The following DIAPH2 variants were observed in gnomAD, a reference collection of about 807,000 sequenced individuals.
The protein encoded by DIAPH2 is diaphanous related formin 2, also known as protein diaphanous homolog 2.
DIAPH2 carries 35 observed loss-of-function variants against 92.7 expected under a neutral mutation model. The ratio of observed to expected loss-of-function variants is 0.38; its 90% CI spans 0.29 to 0.50. DIAPH2 has a LOEUF of 0.50. DIAPH2 is among the 20% of genes least tolerant of loss of function. DIAPH2 has a pLI of 0.94. For missense variants in DIAPH2, 701 were observed against 819.5 expected, an observed-to-expected ratio of 0.86 and a Z score of 1.77; for synonymous variants, 301 against 280.4, an observed-to-expected ratio of 1.07 and a Z score of -0.73.
chrX:97,221,706 A>G (rs2067926777), intron 22 of DIAPH2, among the ~76,000 whole-genome samples: 1 of 111,903 alleles, frequency 8.9e-6, no homozygotes, highest in Non-Finnish European at 1.9e-5. Flanking sequence ...GTAGCTAAAC[A>G]ATTTTTTGTT....
chrX:96,859,274 C>G (rs1398981209), intron 4 of DIAPH2, among the ~76,000 whole-genome samples: 1 of 109,689 alleles, frequency 9.1e-6, no homozygotes, highest in African/African-American at 3.3e-5. Flanking sequence ...CTATAGAAAG[C>G]GACTAGAATA....
chrX:97,571,309 AT>A (rs1358504506), intron 26 of DIAPH2, among the ~76,000 whole-genome samples: 1 of 112,052 alleles, frequency 8.9e-6, no homozygotes, highest in African/African-American at 3.2e-5. Context: ...TGAATAAAAA[AT>A]GTTGATATTT....
chrX:97,547,680 A>G (rs1464316109), intron 26 of DIAPH2, among the ~76,000 whole-genome samples: 4 of 111,918 alleles, frequency 3.6e-5, no homozygotes, highest in Non-Finnish European at 7.5e-5. Context: ...ATGGCATTCC[A>G]ACCTTTTCTC....
At chrX:97,520,465 A>C (rs1222947686) in intron 26 of DIAPH2, among the ~76,000 whole-genome samples, 1 of 112,144 alleles carries the variant, frequency 8.9e-6, no homozygotes, top group Admixed American at 9.5e-5. Context: ...CTCAAAGATG[A>C]TTTATTTCTA....
rs61272505 is a variant in DIAPH2 at position 96,717,816 on chromosome X, GTATATATATATATA to G, written c.133-17912_133-17899del. On this transcript the variant is annotated intron_variant, in intron 1 of 26. Transcript: ENST00000324765. ...GTTTTTTAATTTTTGTGGGTATATA[GTATATATATATATA>G]TATATATATATATATATATATATAT... Among the ~76,000 whole-genome samples, 303 of 36,373 alleles carry G rather than the reference GTATATATATATATA, an allele frequency of 8.3e-3. 7 individuals are homozygous for G. The highest frequency in any genetic ancestry group is 0.064 in the East Asian group (76 of 1,187). 31.6% of individuals were successfully genotyped at this position (36,373 alleles called of 115,157 possible). A position where few individuals can be genotyped will look rare whatever the true frequency, so the allele number is the denominator to read the frequency against.
intron 22 of DIAPH2, among the ~76,000 whole-genome samples, chrX:97,145,621 T>C (rs1602372610): frequency 9.0e-6 from 1 of 110,630 alleles, no homozygotes; most frequent in African/African-American, 3.3e-5. Context: ...ATTTTGTGCA[T>C]TCTTCCTGCC....
intron 4 of DIAPH2, among the ~76,000 whole-genome samples, chrX:96,791,565 G>A (rs759879287): frequency 4.9e-4 from 52 of 105,597 alleles, no homozygotes; most frequent in Non-Finnish European, 8.6e-4. Flanking sequence ...TTAAAAAAAA[G>A]GATTAAAGAT....
intron 17 of DIAPH2, among the ~76,000 whole-genome samples, chrX:96,970,097 T>A (rs780048910): frequency 1.8e-5 from 2 of 112,078 alleles, no homozygotes; most frequent in African/African-American, 3.2e-5. Context: ...AACTTTCTGA[T>A]GTTGTGCTTG....
At chrX:96,953,358 A>T in intron 15 of DIAPH2, among the ~76,000 whole-genome samples, 1 of 111,258 alleles carries the variant, frequency 9.0e-6, no homozygotes, top group Non-Finnish European at 1.9e-5. Flanking sequence ...TATAACTTCC[A>T]TTTGTCAGGT....
Position 97,601,453 on chromosome X carries a change from A to G in DIAPH2, c.*2136A>G, listed in dbSNP as rs905368640. 9.0e-6 allele frequency: 1 copy of G among 111,377 alleles called. No homozygotes were observed. Among genetic ancestry groups the G allele is most frequent in the African/African-American group, 3.3e-5 (1 of 30,619 alleles). 9.2% of individuals were successfully genotyped at this position (111,377 alleles called of 1,213,427 possible). A position where few individuals can be genotyped will look rare whatever the true frequency, so the allele number is the denominator to read the frequency against. Reference sequence around the variant, plus strand: ...CATGCTTTTCACAAACATTAAAAAAAAAAACCTTTCAGGGTCTTTCATGAA... The same window carrying G: ...CATGCTTTTCACAAACATTAAAAAAGAAAACCTTTCAGGGTCTTTCATGAA... On this transcript the variant is annotated 3_prime_UTR_variant, in exon 27 of 27. Coordinates refer to ENST00000324765, the MANE Select transcript of DIAPH2 (RefSeq NM_006729.5).
At chrX:97,237,244 T>C in intron 22 of DIAPH2, among the ~76,000 whole-genome samples, 1 of 112,275 alleles carries the variant, frequency 8.9e-6, no homozygotes, top group South Asian at 3.7e-4. Context: ...TAGCCTCCTT[T>C]GACAACCTAC....
chrX:96,811,850 C>G, intron 4 of DIAPH2, among the ~76,000 whole-genome samples: 1 of 111,872 alleles, frequency 8.9e-6, no homozygotes. Context: ...TTGAACCAGC[C>G]TTGCATCCCA....
intron 26 of DIAPH2, among the ~76,000 whole-genome samples, chrX:97,541,190 T>G (rs1416581106): frequency 9.0e-6 from 1 of 111,560 alleles, no homozygotes; most frequent in South Asian, 3.8e-4. Context: ...CCAAGGAAAT[T>G]AAAGAAAAAT....
intron 26 of DIAPH2, among the ~76,000 whole-genome samples, chrX:97,506,245 G>T (rs1319678711): frequency 1.0e-5 from 1 of 98,001 alleles, no homozygotes; most frequent in Non-Finnish European, 2.0e-5. Flanking sequence ...TGCCTCCCAG[G>T]TTCAAGCAAT....
At chrX:97,126,057 C>G (rs746080939) in intron 21 of DIAPH2, among the ~76,000 whole-genome samples, 4 of 111,799 alleles carry the variant, frequency 3.6e-5, no homozygotes, top group Non-Finnish European at 7.5e-5. Context: ...CTGTGAATTG[C>G]TATAGTCGTT....
chrX:97,512,103 C>T (rs1167743694), intron 26 of DIAPH2, among the ~76,000 whole-genome samples: 1 of 112,770 alleles, frequency 8.9e-6, no homozygotes, highest in Non-Finnish European at 1.9e-5. Context: ...CCTCCTTGTA[C>T]CTCTGGTAGA....
At chrX:97,531,351 A>T (rs1043108671) in intron 26 of DIAPH2, among the ~76,000 whole-genome samples, 14 of 111,008 alleles carry the variant, frequency 1.3e-4, no homozygotes, top group African/African-American at 4.6e-4. Flanking sequence ...AATAGAAGAA[A>T]TAGAAATAAC....
intron 26 of DIAPH2, among the ~76,000 whole-genome samples, chrX:97,570,145 G>T (rs1233725959): frequency 3.6e-4 from 25 of 68,738 alleles, no homozygotes; most frequent in Non-Finnish European, 6.0e-4. Context: ...TAGATAGATA[G>T]ATAGATAGAT....
At chrX:96,727,901 C>G (rs751538845) in intron 1 of DIAPH2, among the ~76,000 whole-genome samples, 15 of 108,749 alleles carry the variant, frequency 1.4e-4, no homozygotes, top group African/African-American at 4.7e-4. Context: ...CAAAAATTAG[C>G]CGGGCATGAT....
Sources: allele counts gnomAD v4.1 joint callset (sites outside exome capture counted in the v4.1 genomes callset), GRCh38; gene constraint gnomAD v4.1.1; transcripts MANE v1.5; gene names NCBI Gene and HGNC (gene_info 2026-07-23, HGNC 2026-07-21).